ASTN2: variants seen among roughly 807,000 people sequenced by gnomAD.
The protein encoded by ASTN2 is astrotactin 2.
In ASTN2, 54 loss-of-function variants were observed where a neutral mutation model predicts 139.8. The observed-to-expected ratio is 0.39, with a 90% CI of 0.31 to 0.48. The LOEUF (loss-of-function observed/expected upper bound fraction) is 0.48, where lower values mean the gene tolerates loss of function less well. ASTN2 is among the 20% of genes least tolerant of loss of function. The pLI, the probability that ASTN2 is intolerant of heterozygous loss-of-function variation, is 0.95. For missense variants in ASTN2, 1,565 were observed against 1,725.1 expected, an observed-to-expected ratio of 0.91 and a Z score of 1.64; for synonymous variants, 756 against 719.5, an observed-to-expected ratio of 1.05 and a Z score of -0.81.
At chr9:117,405,939 A>C (rs1390362227) in intron 1 of ASTN2, among the ~76,000 whole-genome samples, 1 of 152,216 alleles carries the variant, frequency 6.6e-6, no homozygotes, top group East Asian at 1.9e-4. Context: ...GGTAGCAGCA[A>C]TGGCTATGGG....
intron 11 of ASTN2, among the ~76,000 whole-genome samples, chr9:116,822,244 T>C (rs1469314723): frequency 6.6e-6 from 1 of 151,358 alleles, no homozygotes; most frequent in African/African-American, 2.4e-5. Flanking sequence ...CTGAGAAGAA[T>C]TTGTAATTAC....
chr9:116,427,039 G>C (rs1271270213), intron 22 of ASTN2, among the ~76,000 whole-genome samples: 1 of 152,174 alleles, frequency 6.6e-6, no homozygotes, highest in Non-Finnish European at 1.5e-5. Context: ...GCACGAGAGA[G>C]GGGAGCTGGG....
chr9:117,192,005 C>T (rs1011955244), intron 3 of ASTN2, among the ~76,000 whole-genome samples: 2 of 152,176 alleles, frequency 1.3e-5, no homozygotes, highest in Admixed American at 1.3e-4. Flanking sequence ...GCTATCATGG[C>T]AATTAATGCT....
chr9:117,303,011 T>C (rs1834913258), intron 1 of ASTN2, among the ~76,000 whole-genome samples: 1 of 152,182 alleles, frequency 6.6e-6, no homozygotes, highest in African/African-American at 2.4e-5. Context: ...CATACATGGA[T>C]GTTACCCATC....
At chr9:116,585,114 C>G (rs1046058063) in intron 19 of ASTN2, 3 of 152,186 alleles carry the variant, frequency 2.0e-5, no homozygotes, top group Middle Eastern at 3.4e-3. Flanking sequence ...TAAGACTGAC[C>G]TGGTTTTATA....
chr9:117,211,211 C>T (rs1832115049), intron 3 of ASTN2, among the ~76,000 whole-genome samples: 1 of 152,054 alleles, frequency 6.6e-6, no homozygotes, highest in Non-Finnish European at 1.5e-5. Flanking sequence ...GACAAACATC[C>T]AAATTGGAAA....
intron 19 of ASTN2, among the ~76,000 whole-genome samples, chr9:116,511,465 A>AT (rs894252574): frequency 6.6e-5 from 10 of 152,048 alleles, no homozygotes; most frequent in Admixed American, 4.6e-4. Flanking sequence ...TAAAATTATC[A>AT]TTTTTTGTTG....
At chr9:116,657,304 AG>A (rs147486540) in intron 16 of ASTN2, among the ~76,000 whole-genome samples, 2,812 of 152,342 alleles carry the variant, frequency 0.018, 89 homozygotes, top group African/African-American at 0.064. Flanking sequence ...GTGAGGATTA[AG>A]TAAGGGGCCT....
At chr9:116,672,403 C>T (rs553267708) in intron 16 of ASTN2, among the ~76,000 whole-genome samples, 1 of 152,134 alleles carries the variant, frequency 6.6e-6, no homozygotes, top group African/African-American at 2.4e-5. Flanking sequence ...AACTTCTAGA[C>T]TCAGACATAT....
At chr9:117,070,195 G>T in intron 5 of ASTN2, among the ~76,000 whole-genome samples, 2 of 129,178 alleles carry the variant, frequency 1.5e-5, no homozygotes, top group Non-Finnish European at 1.6e-5. Flanking sequence ...GCTCTTTTAG[G>T]GCAGGTCTGG....
chr9:116,547,688 T>A (rs1587979322), intron 19 of ASTN2: 1 of 152,172 alleles, frequency 6.6e-6, no homozygotes, highest in Non-Finnish European at 1.5e-5. Flanking sequence ...GCCTGGTAGG[T>A]GGAGATCTCT....
intron 17 of ASTN2, among the ~76,000 whole-genome samples, chr9:116,629,112 CTTTTTTTTTTTTT>C (rs57200909): frequency 9.9e-6 from 1 of 100,510 alleles, no homozygotes; most frequent in African/African-American, 4.4e-5. Context: ...TCCAGTAACT[CTTTTTTTTTTTTT>C]TTTTTTTTTT....
chr9:116,998,685 T>A (rs1837094093), intron 7 of ASTN2, among the ~76,000 whole-genome samples: 1 of 152,200 alleles, frequency 6.6e-6, no homozygotes, highest in Non-Finnish European at 1.5e-5. Context: ...CCAAGACTTT[T>A]ATAATGTATA....
chr9:116,501,126 A>T (rs1248233107), intron 19 of ASTN2, among the ~76,000 whole-genome samples: 2 of 152,130 alleles, frequency 1.3e-5, no homozygotes, highest in African/African-American at 4.8e-5. Flanking sequence ...CTTCTCCCCT[A>T]GGGTGGGAGA....
At chr9:117,269,070 G>A (rs1432916879) in intron 2 of ASTN2, among the ~76,000 whole-genome samples, 2 of 152,150 alleles carry the variant, frequency 1.3e-5, no homozygotes, top group African/African-American at 4.8e-5. Flanking sequence ...CTCAATAAAT[G>A]TTTGTTTTTC....
chr9:116,531,164 T>C (rs906099920), intron 19 of ASTN2, among the ~76,000 whole-genome samples: 9 of 152,188 alleles, frequency 5.9e-5, no homozygotes, highest in African/African-American at 2.2e-4. Context: ...TCTCTGTCGA[T>C]GGAAACACTT....
At chr9:117,367,175 T>C (rs560059360) in intron 1 of ASTN2, among the ~76,000 whole-genome samples, 1 of 152,192 alleles carries the variant, frequency 6.6e-6, no homozygotes, top group Admixed American at 6.5e-5. Context: ...GTGTGCTGTT[T>C]TGTGGCAACA....
chr9:117,026,909 A>AT (rs1443948820), intron 6 of ASTN2, among the ~76,000 whole-genome samples: 1 of 132,294 alleles, frequency 7.6e-6, no homozygotes, highest in Non-Finnish European at 1.6e-5. Flanking sequence ...AGATGCACAA[A>AT]CGAGGCTTAG....
intron 4 of ASTN2, among the ~76,000 whole-genome samples, chr9:117,129,473 G>C (rs1272012801): frequency 6.6e-6 from 1 of 152,076 alleles, no homozygotes; most frequent in Non-Finnish European, 1.5e-5. Context: ...GAGGTTATAA[G>C]ACATCAAGAT....
Sources: allele counts gnomAD v4.1 joint callset (sites outside exome capture counted in the v4.1 genomes callset), GRCh38; gene constraint gnomAD v4.1.1; transcripts MANE v1.5; gene names NCBI Gene and HGNC (gene_info 2026-07-23, HGNC 2026-07-21).